Variants in RYR1 observed in about 807,000 individuals in gnomAD.
RYR1 encodes ryanodine receptor 1, also known as central core disease of muscle.
In RYR1, 342 loss-of-function variants were observed where a neutral mutation model predicts 583.5. The ratio of observed to expected loss-of-function variants is 0.59; its 90% CI spans 0.54 to 0.64. The LOEUF is 0.64. Among genes scored for constraint, RYR1 ranks in the 30% least tolerant of loss-of-function variants. RYR1 has a pLI of 0.00. For missense variants in RYR1, 6,032 were observed against 6,917.2 expected, an observed-to-expected ratio of 0.87 and a Z score of 4.54; for synonymous variants, 2,791 against 2,822.5, an observed-to-expected ratio of 0.99 and a Z score of 0.35.
chr19:38,469,284 C>A, intron 26 of RYR1, 21 bp from the exon 27 acceptor site: 1 of 1,613,282 alleles, frequency 6.2e-7, no homozygotes, highest in Non-Finnish European at 8.5e-7. Flanking sequence ...TCACCCCTGC[C>A]CATCCATCCC....
chr19:38,540,114 CG>C (rs1382117953), intron 84 of RYR1, among the ~76,000 whole-genome samples: 1 of 151,816 alleles, frequency 6.6e-6, no homozygotes, highest in South Asian at 2.1e-4. Flanking sequence ...GAAAGAAAAA[CG>C]GGGGGCAAAA....
At chr19:38,479,885 T>A (rs1968924979) in intron 31 of RYR1, among the ~76,000 whole-genome samples, 1 of 151,892 alleles carries the variant, frequency 6.6e-6, no homozygotes, top group African/African-American at 2.4e-5. Context: ...CCCAGCTAAT[T>A]TTTTTTGTAT....
chr19:38,452,545 C>T (rs1336022678), intron 12 of RYR1, among the ~76,000 whole-genome samples: 2 of 152,194 alleles, frequency 1.3e-5, no homozygotes, highest in African/African-American at 2.4e-5. Flanking sequence ...CATCACCCAA[C>T]TTTCACACCC....
At chr19:38,567,743 C>T (rs1459727923) in intron 92 of RYR1, 30 bp from the exon 93 acceptor site, 2 of 1,614,198 alleles carry the variant, frequency 1.2e-6, no homozygotes, top group South Asian at 1.1e-5. Context: ...GCCCAGGCAC[C>T]TCCTGACCTC....
chr19:38,518,943 GT>G (rs1158418765), intron 66 of RYR1, among the ~76,000 whole-genome samples: 1 of 150,472 alleles, frequency 6.6e-6, no homozygotes, highest in Non-Finnish European at 1.5e-5. Flanking sequence ...AAAAAAAAAA[GT>G]TAGGTAACAG....
At chr19:38,482,501 A>C (rs915042924) in intron 31 of RYR1, among the ~76,000 whole-genome samples, 3 of 152,222 alleles carry the variant, frequency 2.0e-5, no homozygotes, top group Admixed American at 1.3e-4. Flanking sequence ...CCCAGGCTGA[A>C]GTGCGGTGGT....
rs201296563 is a variant in RYR1, at chr19:38,529,007, C to T, written c.11091C>T (p.Pro3697=). ...EEEVEEKKPD[P]LHQLVLHFSR... ...AGGTGGAAGAGAAGAAGCCAGACCC[C>T]CTGCACCAGTTGGTCCTGCACTTCA... Residue 3697 remains proline, a synonymous_variant, in exon 76 of 106, where the codon CCC becomes CCT. Coordinates refer to ENST00000359596, the MANE Select transcript of RYR1 (RefSeq NM_000540.3). The T allele has an allele frequency of 4.4e-5, 71 of 1,613,926 alleles. No homozygotes were observed. The East Asian group carries it at 1.4e-3, about 32-fold the overall frequency.
chr19:38,453,024 T>C lies in RYR1; in HGVS notation c.1440+10T>C. On this transcript the variant is annotated intron_variant, in intron 13 of 105. Transcript: ENST00000359596. ...CCTCTTCCAGGAGGAGGTGAGGACG[T>C]GGCGAGGGCGGAGCGGGGCCTGTGG... 6.3e-7 allele frequency: 1 copy of C among 1,583,650 alleles called. No individual in the cohort carries two copies. The highest frequency in any genetic ancestry group is 1.1e-5 in the South Asian group (1 of 90,598).
At chr19:38,481,666 G>T (rs1185784249) in intron 31 of RYR1, among the ~76,000 whole-genome samples, 1 of 152,210 alleles carries the variant, frequency 6.6e-6, no homozygotes, top group East Asian at 1.9e-4. Context: ...GGCACCTGCA[G>T]TTCCAGCTAC....
In RYR1 at chr19:38,528,605, G is replaced by A; in HGVS notation, c.10944G>A (p.Arg3648=). 6.2e-7 allele frequency: 1 copy of A among 1,614,120 alleles called. No homozygotes were observed. The highest frequency in any genetic ancestry group is 1.1e-5 in the South Asian group (1 of 91,076). The part of the protein sequence containing the change: ...MTPLYNLPTH[R]ACNMFLESYK... ...TCACACCTCTCCCCTGCAGGCACCG[G>A]GCATGTAACATGTTCCTGGAGAGCT... Residue 3648 remains arginine (R), a synonymous_variant, in exon 75 of 106, where the codon CGG becomes CGA. Coordinates refer to ENST00000359596, the MANE Select transcript of RYR1 (RefSeq NM_000540.3).
chr19:38,578,126 C>T lies in RYR1; in HGVS notation c.14304-18C>T. On this transcript the variant is annotated intron_variant, in intron 98 of 105. Coordinates refer to ENST00000359596, the MANE Select transcript of RYR1 (RefSeq NM_000540.3). ...GAGTCTGACACTCAAGCATCTCTCC[C>T]CACCCCCGCCCCCACAGGCTCATGT... 1 of 1,612,484 alleles carries T rather than the reference C, an allele frequency of 6.2e-7. No individual in the cohort carries two copies. Among genetic ancestry groups the T allele is most frequent in the Non-Finnish European group, 8.5e-7 (1 of 1,179,022 alleles).
chr19:38,462,708 CCT>C (rs746328641), intron 20 of RYR1, among the ~76,000 whole-genome samples: 19 of 152,100 alleles, frequency 1.2e-4, no homozygotes, highest in Non-Finnish European at 2.1e-4. Context: ...GAAGGAGACT[CCT>C]CCATTCTTTT....
chr19:38,567,985 CCTG>C lies in RYR1; in HGVS notation c.13659+71_13659+73del, dbSNP rs1437312449. 154 of 1,553,320 alleles carry C rather than the reference CCTG, an allele frequency of 9.9e-5. No homozygotes were observed. The Middle Eastern group carries it at 2.0e-3, about 21-fold the overall frequency. On this transcript the variant is annotated intron_variant, in intron 93 of 105. Transcript: ENST00000359596. ...AGCCCCACCTCTGGTGCCCACCTCT[CCTG>C]CTCACCTTGTTCTTGAGTTCATCTG...
At chr19:38,585,157 A>G (rs1974416297) in intron 102 of RYR1, 58 bp downstream of exon 102, 1 of 1,586,766 alleles carries the variant, frequency 6.3e-7, no homozygotes, top group East Asian at 2.3e-5. Context: ...ATGGCTAAGA[A>G]TGCAGGCCCA....
At chr19:38,515,365 T>C (rs1286687220) in intron 64 of RYR1, among the ~76,000 whole-genome samples, 1 of 152,082 alleles carries the variant, frequency 6.6e-6, no homozygotes. Context: ...CCACGGGGGC[T>C]GCACACAGGA....
intron 31 of RYR1, among the ~76,000 whole-genome samples, 161 bp downstream of exon 31, chr19:38,478,761 T>A (rs1275349714): frequency 1.3e-5 from 2 of 152,140 alleles, no homozygotes; most frequent in Admixed American, 1.3e-4. Context: ...GAAACTTCCA[T>A]GAAACTAAGG....
Position 38,473,504 on chromosome 19 carries a change from A to G in RYR1, c.3893A>G (p.Gln1298Arg), listed in dbSNP as rs866852029. The change falls in exon 28 of 106, where the codon CAG becomes CGG. Residue 1298 changes from glutamine (Q) to arginine (R), a missense_variant. Physicochemically the swap from Gln to Arg is conservative, Grantham distance 43. Around this residue, in one of 11 missense-constraint regions of RYR1, gnomAD observed 2,627 missense variants for 2,961.3 expected, o/e 0.89. Transcript: ENST00000359596. ...CTGAGCCTCCCAGTCCAGTTCCACCAGCACTTCCGCTGCACTGCAGGGGCC... is the reference window on the plus strand; with the variant it reads ...CTGAGCCTCCCAGTCCAGTTCCACCGGCACTTCCGCTGCACTGCAGGGGCC... ...LRLSLPVQFH[Q>R]HFRCTAGATP... 4 of 1,613,622 alleles carry G rather than the reference A, an allele frequency of 2.5e-6. No homozygotes were observed. In the Middle Eastern group the frequency reaches 5.0e-4, roughly 200 times the overall value.
intron 9 of RYR1, 77 bp downstream of exon 9, chr19:38,446,845 G>T: frequency 8.5e-7 from 1 of 1,170,252 alleles, no homozygotes; most frequent in Non-Finnish European, 1.3e-6. Flanking sequence ...AAAAGGTCTT[G>T]AGGGAAGATC....
At chr19:38,435,627 T>C (rs550055978) in intron 1 of RYR1, among the ~76,000 whole-genome samples, 1 of 152,122 alleles carries the variant, frequency 6.6e-6, no homozygotes, top group East Asian at 1.9e-4. Flanking sequence ...TCTTAGCTAC[T>C]CGGGAGGCTG....
Sources: allele counts gnomAD v4.1 joint callset (sites outside exome capture counted in the v4.1 genomes callset), GRCh38; gene constraint gnomAD v4.1.1; regional missense constraint gnomAD v4.1.1; transcripts MANE v1.5; gene names NCBI Gene and HGNC (gene_info 2026-07-23, HGNC 2026-07-21).